The following GIPR variants were observed in gnomAD, a reference collection of about 807,000 sequenced individuals.
GIPR encodes GIP-R.
GIPR carries 74 observed loss-of-function variants against 62.2 expected under a neutral mutation model. The observed-to-expected ratio is 1.19, with a 90% CI of 0.99 to 1.44. GIPR has a LOEUF of 1.44. Ranked by LOEUF, GIPR falls within the 40% of genes most tolerant of loss-of-function variation. GIPR has a pLI of 0.00. For missense variants in GIPR, 664 were observed against 611.8 expected (o/e 1.09, Z -0.90); for synonymous variants, 256 against 262.2 (o/e 0.98, Z 0.23).
At position 45,668,629 on chromosome 19, in the gene GIPR, C is replaced by T. The variant is rs117188764; in HGVS notation, c.-45+331C>T. On this transcript the variant is annotated intron_variant, in intron 1 of 13. Transcript: ENST00000590918. Reference sequence around the variant, plus strand: ...TCTGTCCCTCCGTCTCTGCGCCTCTCAGTCTTTACATTTCTGTCTCTTGTG... The same window carrying T: ...TCTGTCCCTCCGTCTCTGCGCCTCTTAGTCTTTACATTTCTGTCTCTTGTG... Among the ~76,000 whole-genome samples the T allele has an allele frequency of 2.0e-5, 3 of 152,282 alleles. No homozygotes were observed. In the East Asian group the frequency reaches 5.8e-4, roughly 29 times the overall value.
At chr19:45,674,234 C>A in intron 6 of GIPR, 57 bp downstream of exon 6, 2 of 1,092,882 alleles carry the variant, frequency 1.8e-6, no homozygotes, top group Non-Finnish European at 2.8e-6. Flanking sequence ...CTCAGTTTGT[C>A]CAGTAAGATG....
intron 12 of GIPR, among the ~76,000 whole-genome samples, chr19:45,679,927 G>T (rs937357214): frequency 6.6e-6 from 1 of 151,954 alleles, no homozygotes; most frequent in Non-Finnish European, 1.5e-5. Context: ...CCACTACCAC[G>T]CCTGGCTAAG....
intron 12 of GIPR, among the ~76,000 whole-genome samples, chr19:45,679,381 C>G (rs1363229724): frequency 2.0e-5 from 3 of 151,052 alleles, no homozygotes; most frequent in Admixed American, 1.3e-4. Context: ...ACTCAGGAGG[C>G]TGAGGTCGGA....
intron 13 of GIPR, 41 bp from the exon 14 acceptor site, chr19:45,681,688 C>T: frequency 6.2e-7 from 1 of 1,610,552 alleles, no homozygotes; most frequent in Non-Finnish European, 8.5e-7. Context: ...CTGGCGGCAG[C>T]GCGGGGTACG....
chr19:45,678,848 G>A (rs1365948490), intron 12 of GIPR, among the ~76,000 whole-genome samples: 1 of 152,228 alleles, frequency 6.6e-6, no homozygotes, highest in Non-Finnish European at 1.5e-5. Flanking sequence ...TGCCAGCTGT[G>A]TGGCCTTCAC....
chr19:45,683,133 TA>T lies in GIPR; in HGVS notation c.*1199del, dbSNP rs1414292877. The T allele has an allele frequency of 2.0e-5, 3 of 152,442 alleles. No homozygotes were observed. Among genetic ancestry groups the T allele is most frequent in the Non-Finnish European group, 4.4e-5 (3 of 68,332 alleles). The allele number at this position is 152,442 out of a possible 1,614,324, so 9.4% of individuals were successfully genotyped here. On this transcript the variant is annotated 3_prime_UTR_variant, in exon 14 of 14. Coordinates refer to ENST00000590918, the MANE Select transcript of GIPR (RefSeq NM_000164.4). ...TAAAGATAGAGAGATTGGGTTCGGG[TA>T]GGGGGAGAACCACGTGTGCTCTTTG... is the stretch of plus-strand genomic sequence containing the variant.
chr19:45,677,562 A>AG, intron 9 of GIPR, 148 bp from the exon 10 acceptor site: 2 of 503,152 alleles, frequency 4.0e-6, no homozygotes, highest in Non-Finnish European at 7.3e-6. Context: ...CGGCAAGGGG[A>AG]GGGGGTGGGG....
chr19:45,674,564 G>A (rs1975730139), intron 6 of GIPR, 118 bp from the exon 7 acceptor site: 1 of 897,574 alleles, frequency 1.1e-6, no homozygotes, highest in South Asian at 1.4e-5. Flanking sequence ...CCCTGATTGT[G>A]TCACTGCATT....
At chr19:45,668,767 C>G (rs975123907) in intron 1 of GIPR, among the ~76,000 whole-genome samples, 11 of 152,228 alleles carry the variant, frequency 7.2e-5, no homozygotes, top group African/African-American at 2.4e-4. Flanking sequence ...GGCGTTAGAC[C>G]GATTTCCAGG....
intron 1 of GIPR, among the ~76,000 whole-genome samples, chr19:45,668,645 G>C (rs1235994763): frequency 6.6e-6 from 1 of 152,054 alleles, no homozygotes; most frequent in African/African-American, 2.4e-5. Context: ...TTACATTTCT[G>C]TCTCTTGTGT....
chr19:45,681,471 G>T, intron 12 of GIPR, 133 bp from the exon 13 acceptor site: 1 of 829,154 alleles, frequency 1.2e-6, no homozygotes. Context: ...CTCCCGCCTG[G>T]GCAACAAGAG....
intron 1 of GIPR, among the ~76,000 whole-genome samples, chr19:45,669,243 C>T (rs917864257): frequency 6.6e-6 from 1 of 152,086 alleles, no homozygotes; most frequent in African/African-American, 2.4e-5. Context: ...CAGGGGAGGC[C>T]GGGGAATCAC....
chr19:45,670,478 C>A (rs1975475135), intron 2 of GIPR, 157 bp from the exon 3 acceptor site: 2 of 565,818 alleles, frequency 3.5e-6, no homozygotes, highest in African/African-American at 1.9e-5. Flanking sequence ...AGGCACCCCA[C>A]CCCAAGACTT....
chr19:45,677,679 CTA>C lies in GIPR; in HGVS notation c.855-29_855-28del, dbSNP rs775666851. ...GGTGATCGGTGAGTCTAGAGTTTTT[CTA>C]TCTCTTAGCTCTACTCCGCCTTCCC... On this transcript the variant is annotated intron_variant, in intron 9 of 13. Transcript: ENST00000590918. 70 of 1,579,378 alleles carry C rather than the reference CTA, an allele frequency of 4.4e-5. No individual in the cohort carries two copies. The African/African-American group carries it at 7.4e-4, about 17-fold the overall frequency.
intron 9 of GIPR, 39 bp downstream of exon 9, chr19:45,677,422 C>T: frequency 1.5e-6 from 1 of 679,242 alleles, no homozygotes. Flanking sequence ...GGGAGGTGGG[C>T]GGGGCTTTGA....
At chr19:45,670,583 G>A (rs1344822360) in intron 2 of GIPR, 52 bp from the exon 3 acceptor site, 9 of 1,301,690 alleles carry the variant, frequency 6.9e-6, no homozygotes, top group Non-Finnish European at 9.9e-6. Context: ...GGACCTAGCA[G>A]CCTGGGAGCG....
At chr19:45,680,511 G>A (rs1967171730) in intron 12 of GIPR, among the ~76,000 whole-genome samples, 1 of 152,108 alleles carries the variant, frequency 6.6e-6, no homozygotes, top group African/African-American at 2.4e-5. Flanking sequence ...TCCAGCCTGG[G>A]TGACAGAGCC....
chr19:45,673,076 A>C (rs532897632), intron 5 of GIPR, 122 bp downstream of exon 5: 2 of 698,634 alleles, frequency 2.9e-6, no homozygotes, highest in Non-Finnish European at 5.3e-6. Context: ...AGAGAAACTC[A>C]ACTCAGACTT....
At position 45,672,965 on chromosome 19, in the gene GIPR, G is replaced by T; in HGVS notation, c.384+11G>T. On this transcript the variant is annotated intron_variant, in intron 5 of 13. Coordinates refer to ENST00000590918, the MANE Select transcript of GIPR (RefSeq NM_000164.4). ...AATGAGGCCTTTCTGGTAAGAAGAG[G>T]TGAGGGCTTCAGGTTAGGAGTCCAG... The T allele has an allele frequency of 6.7e-7, 1 of 1,486,530 alleles. No individual in the cohort carries two copies. Among genetic ancestry groups the T allele is most frequent in the South Asian group, 1.1e-5 (1 of 88,586 alleles). The allele number at this position is 1,486,530 out of a possible 1,614,324, so 92.1% of individuals were successfully genotyped here.
Sources: gnomAD v4.1 joint callset for allele counts (sites outside exome capture counted in the v4.1 genomes callset) on GRCh38, gnomAD v4.1.1 for gene constraint, MANE v1.5 for transcripts, NCBI Gene and HGNC (gene_info 2026-07-23, HGNC 2026-07-21) for gene names.